KIAA1217: variants seen among roughly 807,000 people sequenced by gnomAD.
KIAA1217 encodes sickle tail protein homolog.
A neutral mutation model predicts 163.9 loss-of-function variants in KIAA1217; 88 were observed. That is an observed-to-expected ratio of 0.54 (90% CI 0.45 to 0.64). The LOEUF is 0.64. Ranked by LOEUF, KIAA1217 falls within the 30% of genes least tolerant of loss-of-function variation. The probability of loss-of-function intolerance (pLI) is 0.00; values close to 1 mark genes in which losing one functional copy is unlikely to be tolerated. For missense variants in KIAA1217, 2,372 were observed against 2,475.0 expected (o/e 0.96, Z 0.88); for synonymous variants, 903 against 923.1 (o/e 0.98, Z 0.39).
At chr10:24,094,891 T>C in intron 2 of KIAA1217, among the ~76,000 whole-genome samples, 1 of 152,192 alleles carries the variant, frequency 6.6e-6, no homozygotes, top group Non-Finnish European at 1.5e-5. Flanking sequence ...CTCCACCCAG[T>C]TCGAGCTTCC....
At chr10:24,414,936 A>C (rs1415054764) in intron 3 of KIAA1217, among the ~76,000 whole-genome samples, 1 of 152,144 alleles carries the variant, frequency 6.6e-6, no homozygotes, top group Non-Finnish European at 1.5e-5. Context: ...AGATAAAGGT[A>C]CAACCAAAAA....
chr10:23,755,197 A>G (rs547075092), intron 1 of KIAA1217, among the ~76,000 whole-genome samples: 26 of 152,190 alleles, frequency 1.7e-4, no homozygotes, highest in Non-Finnish European at 3.4e-4. Flanking sequence ...GGAACAAAAA[A>G]GTTTGGAAGA....
chr10:24,526,580 A>G (rs1410406325), intron 13 of KIAA1217, among the ~76,000 whole-genome samples: 1 of 152,168 alleles, frequency 6.6e-6, no homozygotes, highest in Admixed American at 6.5e-5. Flanking sequence ...CTTTGAGAGG[A>G]GACACGAGTC....
At chr10:24,202,645 C>T (rs1006828310) in intron 2 of KIAA1217, among the ~76,000 whole-genome samples, 11 of 152,190 alleles carry the variant, frequency 7.2e-5, no homozygotes, top group African/African-American at 2.7e-4. Flanking sequence ...CTCCACGTCT[C>T]CTCTGCTCTG....
chr10:24,314,949 A>T (rs7093227), intron 2 of KIAA1217, among the ~76,000 whole-genome samples: 31,977 of 151,948 alleles, frequency 0.21, 3,673 homozygotes, highest in African/African-American at 0.31. Context: ...CTCGAAAAAA[A>T]AATAATAATA....
At chr10:24,436,506 C>T (rs1195083610) in intron 4 of KIAA1217, among the ~76,000 whole-genome samples, 1 of 149,870 alleles carries the variant, frequency 6.7e-6, no homozygotes, top group Non-Finnish European at 1.5e-5. Flanking sequence ...CGCCTGTAAT[C>T]CCAGCACTTT....
intron 1 of KIAA1217, among the ~76,000 whole-genome samples, chr10:23,768,838 G>A (rs1834664937): frequency 6.6e-6 from 1 of 152,138 alleles, no homozygotes; most frequent in Non-Finnish European, 1.5e-5. Context: ...GGATGATGTA[G>A]GTTTGTCTGG....
At position 24,346,553 on chromosome 10, in the gene KIAA1217, T is replaced by TG. The variant is rs1197451680; in HGVS notation, c.355-34313dup. On this transcript the variant is annotated intron_variant, in intron 2 of 20. Coordinates refer to ENST00000376454, the MANE Select transcript of KIAA1217 (RefSeq NM_019590.5). ...ATCTGTCAAAGGACATTTGGTATTT[T>TG]GGGTTTTGTTGGCCCTTTTTTTTTT... is the stretch of plus-strand genomic sequence containing the variant. 2.6e-5 allele frequency among the ~76,000 whole-genome samples: 4 copies of TG among 151,426 alleles called. No individual in the cohort carries two copies. In the East Asian group the frequency reaches 7.7e-4, roughly 29 times the overall value.
At chr10:23,759,047 T>G (rs912427946) in intron 1 of KIAA1217, among the ~76,000 whole-genome samples, 5 of 152,200 alleles carry the variant, frequency 3.3e-5, no homozygotes, top group African/African-American at 1.2e-4. Flanking sequence ...TTTCAACCCA[T>G]GAACATGGGA....
At chr10:24,417,864 T>G (rs913666691) in intron 3 of KIAA1217, among the ~76,000 whole-genome samples, 6 of 151,538 alleles carry the variant, frequency 4.0e-5, no homozygotes, top group Non-Finnish European at 1.5e-5. Flanking sequence ...GCTTGATTTT[T>G]TTTTTTTTGG....
chr10:24,286,265 C>G (rs2078530121), intron 2 of KIAA1217, among the ~76,000 whole-genome samples: 1 of 151,796 alleles, frequency 6.6e-6, no homozygotes, highest in African/African-American at 2.4e-5. Context: ...CTTTGTATAA[C>G]TTTACTTATT....
chr10:24,465,422 C>T (rs1421250502), intron 5 of KIAA1217, among the ~76,000 whole-genome samples: 3 of 152,170 alleles, frequency 2.0e-5, no homozygotes, highest in African/African-American at 4.8e-5. Flanking sequence ...ACTTGAAAGA[C>T]GTCATGGAAT....
rs181227240 is a variant in KIAA1217 at position 24,051,287 on chromosome 10, T to C, written c.-171+43913T>C. Among the ~76,000 whole-genome samples, 53 of 152,268 alleles carry C rather than the reference T, an allele frequency of 3.5e-4. No individual in the cohort carries two copies. In the East Asian group the frequency reaches 9.1e-3, roughly 26 times the overall value. On this transcript the variant is annotated intron_variant, in intron 2 of 18. Coordinates refer to the KIAA1217 transcript ENST00000376462. ...TTATGGCTGAGTAGTATTCCACATT[T>C]TCTTTATCCACTCATTGGTTGATGG... is the stretch of plus-strand genomic sequence containing the variant.
chr10:23,845,841 C>T (rs1398646513), intron 1 of KIAA1217, among the ~76,000 whole-genome samples: 3 of 152,142 alleles, frequency 2.0e-5, no homozygotes, highest in Admixed American at 2.0e-4. Flanking sequence ...CCTAGGTTTT[C>T]TTCTAGGATT....
At chr10:24,318,091 G>C (rs375108939) in intron 2 of KIAA1217, among the ~76,000 whole-genome samples, 6 of 152,172 alleles carry the variant, frequency 3.9e-5, no homozygotes, top group African/African-American at 1.4e-4. Flanking sequence ...AAGATCACTT[G>C]AGGCTAGGAG....
At chr10:24,070,974 T>C (rs1051564840) in intron 2 of KIAA1217, among the ~76,000 whole-genome samples, 4 of 152,170 alleles carry the variant, frequency 2.6e-5, no homozygotes, top group Non-Finnish European at 5.9e-5. Context: ...AGGGTATTTC[T>C]ACAATTATCA....
chr10:24,245,368 G>A (rs1022779798), intron 2 of KIAA1217, among the ~76,000 whole-genome samples: 1 of 152,156 alleles, frequency 6.6e-6, no homozygotes, highest in African/African-American at 2.4e-5. Context: ...CATACAAGAT[G>A]GAGAGAGCAG....
intron 3 of KIAA1217, among the ~76,000 whole-genome samples, chr10:24,400,231 A>G (rs2131030382): frequency 6.6e-6 from 1 of 152,374 alleles, no homozygotes; most frequent in South Asian, 2.1e-4. Context: ...AACCGTGCAC[A>G]GGGATGAAGC....
chr10:23,934,703 T>C (rs1843447832), intron 1 of KIAA1217, among the ~76,000 whole-genome samples: 3 of 147,736 alleles, frequency 2.0e-5, no homozygotes, highest in South Asian at 2.2e-4. Context: ...CTGCAAGCTC[T>C]GTCTCCCGGG....
Sources: allele counts gnomAD v4.1 joint callset (sites outside exome capture counted in the v4.1 genomes callset), GRCh38; gene constraint gnomAD v4.1.1; transcripts MANE v1.5; gene names NCBI Gene and HGNC (gene_info 2026-07-23, HGNC 2026-07-21).